The following NEBL variants were observed in gnomAD, a reference collection of about 807,000 sequenced individuals.
The protein encoded by NEBL is LIM and SH3 protein 2.
A neutral mutation model predicts 140.2 loss-of-function variants in NEBL; 122 were observed. That is an observed-to-expected ratio of 0.87 (90% CI 0.75 to 1.01). The LOEUF (loss-of-function observed/expected upper bound fraction) is 1.01. Ranked by LOEUF, NEBL falls within the 50% of genes least tolerant of loss-of-function variation. NEBL has a pLI of 0.00. For missense variants in NEBL, 1,365 were observed against 1,231.3 expected, an observed-to-expected ratio of 1.11 and a Z score of -1.62; for synonymous variants, 436 against 398.9, an observed-to-expected ratio of 1.09 and a Z score of -1.11.
intron 2 of NEBL, among the ~76,000 whole-genome samples, chr10:21,068,290 C>T (rs1269443680): frequency 6.6e-6 from 1 of 152,168 alleles, no homozygotes; most frequent in East Asian, 1.9e-4. Context: ...TATTTTGGGG[C>T]CAGCAGCCAT....
chr10:20,950,064 T>C (rs140182569), intron 4 of NEBL, among the ~76,000 whole-genome samples: 1 of 152,308 alleles, frequency 6.6e-6, no homozygotes, highest in African/African-American at 2.4e-5. Flanking sequence ...TTTCCCTCTA[T>C]CTGGCATTTC....
At chr10:20,903,118 G>T (rs991329116) in intron 4 of NEBL, among the ~76,000 whole-genome samples, 2 of 152,102 alleles carry the variant, frequency 1.3e-5, no homozygotes, top group Non-Finnish European at 2.9e-5. Flanking sequence ...AAGCCTGAAA[G>T]TGCAGATAGT....
intron 10 of NEBL, among the ~76,000 whole-genome samples, 154 bp from the exon 11 acceptor site, chr10:20,850,656 T>C (rs1237386296): frequency 6.6e-6 from 1 of 152,200 alleles, no homozygotes; most frequent in Non-Finnish European, 1.5e-5. Context: ...CTTTGGTTAA[T>C]GACATACAAG....
intron 2 of NEBL, among the ~76,000 whole-genome samples, chr10:21,156,575 G>A (rs1217794073): frequency 1.3e-5 from 2 of 151,594 alleles, no homozygotes; most frequent in Admixed American, 1.3e-4. Context: ...TCTTATCACA[G>A]GACATAACTA....
At chr10:20,793,511 G>T in intron 26 of NEBL, 1 of 192,510 alleles carries the variant, frequency 5.2e-6, no homozygotes, top group Non-Finnish European at 9.5e-6. Context: ...TAGGGTGGCG[G>T]TAAAGGAAAT....
intron 3 of NEBL, among the ~76,000 whole-genome samples, chr10:21,228,308 C>A (rs1426818231): frequency 6.6e-6 from 1 of 152,040 alleles, no homozygotes. Context: ...TAAAAACCAC[C>A]ACACCCAGGT....
At chr10:21,226,339 G>A (rs566263889) in intron 3 of NEBL, among the ~76,000 whole-genome samples, 7 of 152,014 alleles carry the variant, frequency 4.6e-5, no homozygotes, top group African/African-American at 1.7e-4. Flanking sequence ...TGCTGCCTGG[G>A]GTTATGAGAG....
At chr10:21,094,727 T>C (rs1837100730) in intron 2 of NEBL, among the ~76,000 whole-genome samples, 1 of 152,122 alleles carries the variant, frequency 6.6e-6, no homozygotes, top group Non-Finnish European at 1.5e-5. Context: ...ATGGGACTCT[T>C]GGGTGGTGGC....
At chr10:21,199,963 A>T (rs886158220) in intron 3 of NEBL, among the ~76,000 whole-genome samples, 1 of 152,182 alleles carries the variant, frequency 6.6e-6, no homozygotes, top group African/African-American at 2.4e-5. Flanking sequence ...AACTGCACTG[A>T]GATAGCCCTC....
At chr10:20,814,779 T>G (rs1314534639) in intron 22 of NEBL, among the ~76,000 whole-genome samples, 1 of 152,210 alleles carries the variant, frequency 6.6e-6, no homozygotes, top group Admixed American at 6.5e-5. Flanking sequence ...TTTCTTTTTA[T>G]TTTTTTCTCT....
At chr10:21,232,331 G>A (rs1333704955) in intron 3 of NEBL, among the ~76,000 whole-genome samples, 2 of 152,170 alleles carry the variant, frequency 1.3e-5, no homozygotes, top group African/African-American at 4.8e-5. Context: ...CCAGGGACCT[G>A]TTAAGTGGAA....
intron 2 of NEBL, among the ~76,000 whole-genome samples, chr10:21,078,345 A>G (rs1836200619): frequency 1.3e-5 from 2 of 152,250 alleles, no homozygotes; most frequent in South Asian, 4.1e-4. Context: ...AGCCTTTCAA[A>G]TTATTACAAC....
At chr10:21,092,097 G>A (rs191691953) in intron 2 of NEBL, among the ~76,000 whole-genome samples, 14 of 152,344 alleles carry the variant, frequency 9.2e-5, no homozygotes, top group Non-Finnish European at 1.9e-4. Flanking sequence ...GATAATGGAA[G>A]AGTTCTGTTC....
chr10:20,858,445 G>T, intron 8 of NEBL, 101 bp from the exon 9 acceptor site: 2 of 974,142 alleles, frequency 2.1e-6, no homozygotes, highest in Non-Finnish European at 3.2e-6. Context: ...ACTATTTAGT[G>T]GTAAATGGAC....
intron 27 of NEBL, among the ~76,000 whole-genome samples, chr10:20,786,936 G>A (rs936517982): frequency 3.9e-5 from 6 of 152,140 alleles, no homozygotes; most frequent in Admixed American, 2.6e-4. Flanking sequence ...TACCAATCAT[G>A]AAGTAACAAT....
intron 26 of NEBL, among the ~76,000 whole-genome samples, chr10:20,800,872 C>T (rs1040033439): frequency 2.0e-5 from 3 of 152,088 alleles, no homozygotes; most frequent in Non-Finnish European, 4.4e-5. Flanking sequence ...TGGATTAAAC[C>T]TCCAAGGAAG....
intron 2 of NEBL, among the ~76,000 whole-genome samples, chr10:21,125,443 G>T (rs1014008191): frequency 6.6e-6 from 1 of 152,134 alleles, no homozygotes; most frequent in Non-Finnish European, 1.5e-5. Flanking sequence ...TTGCGGAGGG[G>T]ACTACTTAAT....
At chr10:20,913,564 A>G (rs74120524) in intron 4 of NEBL, among the ~76,000 whole-genome samples, 1 of 152,330 alleles carries the variant, frequency 6.6e-6, no homozygotes, top group African/African-American at 2.4e-5. Flanking sequence ...AAAAATGTTC[A>G]GTTTACTGGA....
intron 26 of NEBL, chr10:20,804,160 T>A (rs1837401014): frequency 6.6e-6 from 1 of 151,982 alleles, no homozygotes; most frequent in Non-Finnish European, 1.5e-5. Context: ...AATAAATCAA[T>A]ATATAATATC....
Sources: allele counts gnomAD v4.1 joint callset (sites outside exome capture counted in the v4.1 genomes callset), GRCh38; gene constraint gnomAD v4.1.1; transcripts MANE v1.5; gene names NCBI Gene and HGNC (gene_info 2026-07-23, HGNC 2026-07-21).